Variants in EPG5 observed in about 807,000 individuals in gnomAD.
EPG5 encodes the protein ectopic P-granules 5 autophagy tethering factor.
EPG5 carries 159 observed loss-of-function variants against 302.7 expected under a neutral mutation model. The ratio of observed to expected loss-of-function variants is 0.53; its 90% CI spans 0.46 to 0.60. The LOEUF (loss-of-function observed/expected upper bound fraction) is 0.60. Ranked by LOEUF, EPG5 falls within the 20% of genes least tolerant of loss-of-function variation. The pLI is 0.00. For missense variants in EPG5, 2,896 were observed against 3,092.4 expected (o/e 0.94, Z 1.51); for synonymous variants, 1,158 against 1,136.8 (o/e 1.02, Z -0.37).
At chr18:45,811,919 C>T in the EPG5 span, among the ~76,000 whole-genome samples, 5 of 152,018 alleles carry the variant, frequency 3.3e-5, no homozygotes, top group Non-Finnish European at 5.9e-5. Flanking sequence ...CTGGCCAGGG[C>T]AATCAGGCAG....
At chr18:45,932,744 C>T (rs1343089605) in intron 11 of EPG5, among the ~76,000 whole-genome samples, 5 of 151,866 alleles carry the variant, frequency 3.3e-5, no homozygotes, top group African/African-American at 1.2e-4. Context: ...ACATAGTAGG[C>T]AGATGAAACT....
At chr18:45,838,779 C>A in the EPG5 span, 1 of 1,570,530 alleles carries the variant, frequency 6.4e-7, no homozygotes. Context: ...TCCGCGCGCT[C>A]TGCACTGCCG....
chr18:45,933,928 T>C (rs2050458096), intron 11 of EPG5, among the ~76,000 whole-genome samples: 1 of 152,178 alleles, frequency 6.6e-6, no homozygotes, highest in South Asian at 2.1e-4. Flanking sequence ...GGGTAGTTTT[T>C]TAAAATCACT....
the EPG5 span, among the ~76,000 whole-genome samples, chr18:45,822,812 T>C: frequency 6.6e-6 from 1 of 152,158 alleles, no homozygotes; most frequent in Middle Eastern, 3.4e-3. Context: ...AACTGGAAAA[T>C]AAATCAAGAC....
At chr18:45,857,733 T>A in intron 42 of EPG5, 120 bp downstream of exon 42, 2 of 623,180 alleles carry the variant, frequency 3.2e-6, no homozygotes, top group Non-Finnish European at 2.8e-6. Flanking sequence ...TTTCCATTAA[T>A]CTTTCTGGAG....
In EPG5 at chr18:45,951,211, G is replaced by C; in HGVS notation, c.1280C>G (p.Ser427Cys). Residue 427 changes from serine to cysteine, a missense_variant, in exon 4 of 44, where the codon TCT (serine) becomes TGT (cysteine). Ser to Cys is a moderately radical substitution (Grantham distance 112). Around this residue, in one of 5 missense-constraint regions of EPG5, gnomAD observed 1,390 missense variants for 1,430.0 expected, o/e 0.97. Coordinates refer to ENST00000282041, the MANE Select transcript of EPG5 (RefSeq NM_020964.3). ...GCATTCCTTTAGTTGACACAGATCA[G>C]AGGGAATGCTTTCTGTCTGCTTAGA... is the stretch of plus-strand genomic sequence containing the variant. ...RASKQTESIPSDLCQLKECIS... is the reference protein window; with the variant it reads ...RASKQTESIPCDLCQLKECIS... The C allele has an allele frequency of 6.3e-7, 1 of 1,576,146 alleles. No homozygotes were observed. The highest frequency in any genetic ancestry group is 1.4e-5 in the African/African-American group (1 of 73,830).
At chr18:45,858,803 C>T in intron 40 of EPG5, 21 bp from the exon 41 acceptor site, 1 of 1,540,274 alleles carries the variant, frequency 6.5e-7, no homozygotes, top group Non-Finnish European at 9.0e-7. Context: ...GAAGAAGAGA[C>T]ATCAAGATAT....
At chr18:45,914,170 G>C (rs2049974332) in intron 20 of EPG5, among the ~76,000 whole-genome samples, 1 of 152,208 alleles carries the variant, frequency 6.6e-6, no homozygotes, top group Non-Finnish European at 1.5e-5. Flanking sequence ...ATCTACTGGA[G>C]TAGACAAGAC....
chr18:45,823,833 G>A, the EPG5 span, among the ~76,000 whole-genome samples: 2 of 152,282 alleles, frequency 1.3e-5, no homozygotes, highest in Admixed American at 1.3e-4. Context: ...TGCACACAGG[G>A]AGCAAATGCC....
At chr18:45,922,956 A>G (rs2050190941) in intron 15 of EPG5, among the ~76,000 whole-genome samples, 1 of 152,248 alleles carries the variant, frequency 6.6e-6, no homozygotes, top group Admixed American at 6.5e-5. Flanking sequence ...GTCAATTTTA[A>G]GCTACCAATG....
At position 45,857,836 on chromosome 18, in the gene EPG5, G is replaced by C. The variant is rs200371582; in HGVS notation, c.7442+17C>G. ...AGGCCTATTTAGAACAACAGTGTTA[G>C]AAAGGCGCTTCCTTACCTGTTAGAC... On this transcript the variant is annotated intron_variant, in intron 42 of 43. Transcript: ENST00000282041. The C allele has an allele frequency of 1.3e-4, 206 of 1,608,790 alleles. 1 individual carries two copies. Among genetic ancestry groups the C allele is most frequent in the Non-Finnish European group, 1.6e-4 (193 of 1,177,342 alleles).
At chr18:45,891,714 T>G (rs933023930) in intron 27 of EPG5, among the ~76,000 whole-genome samples, 20 of 152,074 alleles carry the variant, frequency 1.3e-4, no homozygotes, top group Non-Finnish European at 8.8e-5. Flanking sequence ...GACATCAAAA[T>G]GCACAAAAGT....
intron 24 of EPG5, among the ~76,000 whole-genome samples, chr18:45,906,349 C>T (rs2049751357): frequency 4.6e-5 from 7 of 152,142 alleles, no homozygotes; most frequent in African/African-American, 2.4e-5. Context: ...TATACATGGC[C>T]CTTAGGGATT....
At chr18:45,830,752 A>ATTTTTTTTTT in the EPG5 span, among the ~76,000 whole-genome samples, 5 of 118,136 alleles carry the variant, frequency 4.2e-5, no homozygotes, top group African/African-American at 6.8e-5. Flanking sequence ...TGCCAGGCTA[A>ATTTTTTTTTT]TTTTTTTTTT....
At chr18:45,877,344 G>C (rs376341942) in intron 34 of EPG5, among the ~76,000 whole-genome samples, 1 of 152,282 alleles carries the variant, frequency 6.6e-6, no homozygotes, top group East Asian at 1.9e-4. Flanking sequence ...GCTTGAACCT[G>C]GGAGGCAGAG....
intron 1 of EPG5, among the ~76,000 whole-genome samples, chr18:45,959,855 T>C (rs1052576151): frequency 6.6e-6 from 1 of 152,104 alleles, no homozygotes; most frequent in Non-Finnish European, 1.5e-5. Context: ...GGCAGGTGCC[T>C]GTAATCCCAG....
At chr18:45,948,868 C>A (rs774497968) in intron 5 of EPG5, among the ~76,000 whole-genome samples, 1 of 152,162 alleles carries the variant, frequency 6.6e-6, no homozygotes, top group Non-Finnish European at 1.5e-5. Context: ...CAAAAAAAAT[C>A]CTCCTTCTAC....
At chr18:45,892,465 C>T (rs2049374942) in intron 27 of EPG5, among the ~76,000 whole-genome samples, 1 of 152,176 alleles carries the variant, frequency 6.6e-6, no homozygotes, top group Non-Finnish European at 1.5e-5. Flanking sequence ...AAAGCATGTC[C>T]TTCAGCCAGT....
At chr18:45,947,600 C>T (rs2145934764) in intron 6 of EPG5, among the ~76,000 whole-genome samples, 2 of 151,916 alleles carry the variant, frequency 1.3e-5, no homozygotes, top group African/African-American at 4.8e-5. Context: ...TATAATCCAA[C>T]CCACCCGAGT....
Sources: gnomAD v4.1 joint callset for allele counts (sites outside exome capture counted in the v4.1 genomes callset) on GRCh38, gnomAD v4.1.1 for gene constraint, gnomAD v4.1.1 regional missense constraint, MANE v1.5 for transcripts, NCBI Gene and HGNC (gene_info 2026-07-23, HGNC 2026-07-21) for gene names.